The following ANKRD26 variants were observed in gnomAD, a reference collection of about 807,000 sequenced individuals.
ANKRD26 encodes the protein ankyrin repeat domain-containing protein 26.
A neutral mutation model predicts 208.7 loss-of-function variants in ANKRD26; 141 were observed. The ratio of observed to expected loss-of-function variants is 0.68; its 90% CI spans 0.59 to 0.78. ANKRD26 has a LOEUF of 0.78. ANKRD26 is among the 30% of genes least tolerant of loss of function. The probability of loss-of-function intolerance (pLI) is 0.00; values close to 1 mark genes in which losing one functional copy is unlikely to be tolerated. For synonymous variants in ANKRD26, 636 were observed against 660.4 expected (o/e 0.96, Z 0.57); for missense variants, 1,889 against 1,938.7 (o/e 0.97, Z 0.48).
intron 32 of ANKRD26, among the ~76,000 whole-genome samples, chr10:27,010,999 T>G (rs1483305245): frequency 6.6e-6 from 1 of 152,184 alleles, no homozygotes; most frequent in Non-Finnish European, 1.5e-5. Context: ...TGTTCCTTGT[T>G]AAGCCACTTG....
At chr10:26,960,560 A>G in the ANKRD26 span, among the ~76,000 whole-genome samples, 1 of 152,332 alleles carries the variant, frequency 6.6e-6, no homozygotes. Context: ...GGCTCACTAA[A>G]TCCTGACATA....
At chr10:27,049,834 A>G (rs2054584729) in intron 16 of ANKRD26, among the ~76,000 whole-genome samples, 1 of 152,206 alleles carries the variant, frequency 6.6e-6, no homozygotes, top group Admixed American at 6.5e-5. Flanking sequence ...TACCAGATAA[A>G]TTCATCAAAT....
At chr10:26,959,438 A>G in the ANKRD26 span, among the ~76,000 whole-genome samples, 1 of 152,176 alleles carries the variant, frequency 6.6e-6, no homozygotes, top group Non-Finnish European at 1.5e-5. Context: ...TCATCTTAGG[A>G]TGGGGAAATG....
downstream of ANKRD26, among the ~76,000 whole-genome samples, chr10:26,973,170 ATTTCC>A (rs2052175156): frequency 6.6e-6 from 1 of 152,202 alleles, no homozygotes; most frequent in African/African-American, 2.4e-5. Flanking sequence ...ATTTTAAAAA[ATTTCC>A]TTTAGTTATT....
chr10:27,093,819 T>C lies in ANKRD26; in HGVS notation c.243-20A>G. On this transcript the variant is annotated intron_variant, in intron 1 of 33. Transcript: ENST00000376087. Reference sequence around the variant, plus strand: ...GCCGTCCTATGAGAGTGACAGGACTTTTTATAAACTGTAGTGCACTGTCTC... The same window carrying C: ...GCCGTCCTATGAGAGTGACAGGACTCTTTATAAACTGTAGTGCACTGTCTC... 6.5e-7 allele frequency: 1 copy of C among 1,546,036 alleles called. No homozygotes were observed. The highest frequency in any genetic ancestry group is 8.9e-7 in the Non-Finnish European group (1 of 1,118,108).
intron 28 of ANKRD26, 125 bp downstream of exon 28, chr10:27,024,320 TAA>T (rs1346383202): frequency 3.4e-6 from 2 of 590,882 alleles, no homozygotes; most frequent in African/African-American, 1.9e-5. Context: ...AAAACCATTT[TAA>T]AAGAGAATAA....
chr10:27,072,923 C>T (rs911134650), intron 9 of ANKRD26, among the ~76,000 whole-genome samples: 10 of 152,208 alleles, frequency 6.6e-5, no homozygotes, highest in Admixed American at 1.3e-4. Context: ...TGCTGGTACC[C>T]GCTGCTGGGA....
At chr10:27,096,175 T>G (rs2135755751) in intron 1 of ANKRD26, among the ~76,000 whole-genome samples, 1 of 152,314 alleles carries the variant, frequency 6.6e-6, no homozygotes, top group Non-Finnish European at 1.5e-5. Flanking sequence ...GTGCAGGAGA[T>G]TCACATCAAG....
intron 7 of ANKRD26, among the ~76,000 whole-genome samples, chr10:27,078,430 G>A (rs1564419793): frequency 1.3e-5 from 2 of 151,998 alleles, no homozygotes; most frequent in African/African-American, 2.4e-5. Context: ...ATTTTTAAAA[G>A]ATGAAAGAGT....
the ANKRD26 span, among the ~76,000 whole-genome samples, chr10:26,968,497 C>T: frequency 2.6e-5 from 4 of 152,212 alleles, no homozygotes; most frequent in Admixed American, 6.5e-5. Flanking sequence ...ATGGTAACCT[C>T]GCTGTGATTC....
At chr10:27,029,005 T>C in intron 26 of ANKRD26, 60 bp from the exon 27 acceptor site, 1 of 1,379,398 alleles carries the variant, frequency 7.2e-7, no homozygotes, top group Non-Finnish European at 1.0e-6. Flanking sequence ...TACTGTGTAA[T>C]TTCTTAGCAA....
At chr10:27,087,911 G>A (rs1446241433) in intron 4 of ANKRD26, among the ~76,000 whole-genome samples, 4 of 152,114 alleles carry the variant, frequency 2.6e-5, no homozygotes, top group Admixed American at 6.6e-5. Flanking sequence ...CCCACGAGTA[G>A]CTAGGACTCC....
intron 11 of ANKRD26, among the ~76,000 whole-genome samples, chr10:27,065,859 CTTTTTTTT>C (rs767106612): frequency 1.6e-4 from 12 of 72,968 alleles, no homozygotes; most frequent in East Asian, 9.2e-4. Context: ...ATAATTCTTT[CTTTTTTTT>C]TTTTTTTTTT....
chr10:26,997,487 C>G (rs1465570976), intron 4 of ANKRD26, among the ~76,000 whole-genome samples: 1 of 152,124 alleles, frequency 6.6e-6, no homozygotes. Flanking sequence ...TCCATTTCAG[C>G]CTAAAGCAGT....
chr10:27,015,067 A>C (rs931025494), intron 30 of ANKRD26, among the ~76,000 whole-genome samples: 2 of 152,250 alleles, frequency 1.3e-5, no homozygotes, highest in African/African-American at 4.8e-5. Flanking sequence ...AAACCTAAGA[A>C]AGAAAATGAC....
chr10:26,967,670 C>T, the ANKRD26 span, among the ~76,000 whole-genome samples: 2 of 152,184 alleles, frequency 1.3e-5, no homozygotes, highest in South Asian at 2.1e-4. Context: ...TCAGACTCAA[C>T]GGATTCAAAA....
intron 1 of ANKRD26, among the ~76,000 whole-genome samples, chr10:27,097,473 A>G (rs73596354): frequency 0.044 from 6,751 of 152,216 alleles, 178 homozygotes; most frequent in African/African-American, 0.068. Flanking sequence ...GAAAAAAAGA[A>G]AAAAGAGATA....
At position 27,095,057 on chromosome 10, in the gene ANKRD26, T is replaced by C. The variant is rs76395426; in HGVS notation, c.243-1258A>G. 5.7e-3 allele frequency among the ~76,000 whole-genome samples: 870 copies of C among 152,232 alleles called. 11 individuals are homozygous for C. The highest frequency in any genetic ancestry group is 0.02 in the African/African-American group (821 of 41,540). ...TATTTCAGTGATTCTAAGATGCTCA[T>C]TTTCTCACATTTCAATATCTCTGAC... On this transcript the variant is annotated intron_variant, in intron 1 of 33. Transcript: ENST00000376087.
the ANKRD26 span, among the ~76,000 whole-genome samples, chr10:26,953,121 A>G: frequency 6.6e-6 from 1 of 152,208 alleles, no homozygotes; most frequent in Non-Finnish European, 1.5e-5. Context: ...TTATAGCCAA[A>G]GAGATTGTAA....
Sources: gnomAD v4.1 joint callset for allele counts (sites outside exome capture counted in the v4.1 genomes callset) on GRCh38, gnomAD v4.1.1 for gene constraint, MANE v1.5 for transcripts, NCBI Gene and HGNC (gene_info 2026-07-23, HGNC 2026-07-21) for gene names.